AGBL4: variants seen among roughly 807,000 people sequenced by gnomAD.
The protein encoded by AGBL4 is AGBL carboxypeptidase 4, also known as cytosolic carboxypeptidase 6.
In AGBL4, 58 loss-of-function variants were observed where a neutral mutation model predicts 66.4. The ratio of observed to expected loss-of-function variants is 0.87; its 90% confidence interval spans 0.71 to 1.09. The LOEUF (loss-of-function observed/expected upper bound fraction) is 1.09, where lower values mean the gene tolerates loss of function less well. AGBL4 is among the 50% of genes least tolerant of loss of function. The pLI is 0.00. For missense variants in AGBL4, 579 were observed against 631.0 expected (o/e 0.92, Z 0.88); for synonymous variants, 234 against 222.9 (o/e 1.05, Z -0.44).
At chr1:48,975,399 C>A (rs1659236557) in intron 5 of AGBL4, among the ~76,000 whole-genome samples, 1 of 151,982 alleles carries the variant, frequency 6.6e-6, no homozygotes, top group Admixed American at 6.6e-5. Context: ...CCAACAGACC[C>A]AAAATTACTG....
At chr1:49,760,759 A>G (rs1255510585) in intron 2 of AGBL4, among the ~76,000 whole-genome samples, 1 of 152,188 alleles carries the variant, frequency 6.6e-6, no homozygotes, top group Non-Finnish European at 1.5e-5. Context: ...TAGAAAAGAC[A>G]TAGAACCAAC....
chr1:49,616,417 C>T (rs1571180161), intron 3 of AGBL4, among the ~76,000 whole-genome samples: 1 of 152,146 alleles, frequency 6.6e-6, no homozygotes, highest in African/African-American at 2.4e-5. Flanking sequence ...GCTGCTCTTT[C>T]TCAAAAATCT....
rs567866297 is a variant in AGBL4 at position 49,143,997 on chromosome 1, C to T, written c.378-98197G>A. Among the ~76,000 whole-genome samples, 10 of 152,306 alleles carry T rather than the reference C, an allele frequency of 6.6e-5. 1 individual carries two copies. The South Asian group carries it at 2.1e-3, about 32-fold the overall frequency. On this transcript the variant is annotated intron_variant, in intron 4 of 13. Coordinates refer to ENST00000371839, the MANE Select transcript of AGBL4 (RefSeq NM_032785.4). Reference sequence around the variant, plus strand: ...CACAGTGAAATGCATTTTACCAGGCCTATGCACATATTTCAACAGAGATTG... The same window carrying T: ...CACAGTGAAATGCATTTTACCAGGCTTATGCACATATTTCAACAGAGATTG...
At chr1:49,247,582 C>T (rs1651743473) in intron 3 of AGBL4, among the ~76,000 whole-genome samples, 1 of 152,030 alleles carries the variant, frequency 6.6e-6, no homozygotes, top group Non-Finnish European at 1.5e-5. Context: ...GCATAAGCCC[C>T]CCCTTTTTTT....
At chr1:49,898,453 G>A (rs1392080156) in intron 1 of AGBL4, among the ~76,000 whole-genome samples, 3 of 151,838 alleles carry the variant, frequency 2.0e-5, no homozygotes, top group Admixed American at 6.6e-5. Flanking sequence ...TTTATCCAAA[G>A]GCAGGCAATA....
chr1:48,560,964 G>A (rs1448186953), intron 11 of AGBL4, among the ~76,000 whole-genome samples: 2 of 152,176 alleles, frequency 1.3e-5, no homozygotes, highest in African/African-American at 2.4e-5. Context: ...CAAGCTTCTT[G>A]TGATTTGCCC....
intron 3 of AGBL4, among the ~76,000 whole-genome samples, chr1:49,528,757 G>C (rs1650866029): frequency 6.6e-6 from 1 of 152,042 alleles, no homozygotes; most frequent in South Asian, 2.1e-4. Context: ...AAAAAAATTA[G>C]AAAGTAAGGG....
intron 7 of AGBL4, among the ~76,000 whole-genome samples, chr1:48,654,496 A>C (rs1645986881): frequency 6.6e-6 from 1 of 152,238 alleles, no homozygotes; most frequent in Non-Finnish European, 1.5e-5. Context: ...GCATTCCATG[A>C]AATTACTATA....
intron 6 of AGBL4, among the ~76,000 whole-genome samples, chr1:48,804,213 T>C (rs1645872295): frequency 6.6e-6 from 1 of 152,174 alleles, no homozygotes; most frequent in Admixed American, 6.5e-5. Context: ...TCCTGCCTGG[T>C]TTATCTCCTC....
intron 2 of AGBL4, among the ~76,000 whole-genome samples, chr1:49,771,316 T>C (rs140449233): frequency 2.3e-3 from 347 of 152,230 alleles, no homozygotes; most frequent in African/African-American, 8.0e-3. Context: ...TTTCAATGGT[T>C]TTCTTGTTGA....
chr1:49,895,572 G>T (rs924806277), intron 1 of AGBL4, among the ~76,000 whole-genome samples: 9 of 151,896 alleles, frequency 5.9e-5, no homozygotes, highest in African/African-American at 2.2e-4. Flanking sequence ...AAAAAGTAGG[G>T]AGATAAAGTT....
At chr1:49,912,198 C>T (rs888984321) in intron 1 of AGBL4, among the ~76,000 whole-genome samples, 7 of 152,196 alleles carry the variant, frequency 4.6e-5, no homozygotes, top group Non-Finnish European at 1.0e-4. Context: ...AGAAAACTAT[C>T]CCATCTGTGC....
intron 3 of AGBL4, among the ~76,000 whole-genome samples, chr1:49,648,998 T>C (rs1379893354): frequency 6.6e-6 from 1 of 152,134 alleles, no homozygotes; most frequent in African/African-American, 2.4e-5. Context: ...AAAATATATA[T>C]AACTATGCAT....
chr1:49,616,635 T>C (rs1645254469), intron 3 of AGBL4, among the ~76,000 whole-genome samples: 1 of 152,184 alleles, frequency 6.6e-6, no homozygotes, highest in Non-Finnish European at 1.5e-5. Flanking sequence ...AACTGCCTAT[T>C]CAATATCTTT....
chr1:48,743,406 G>A (rs902813920), intron 6 of AGBL4, among the ~76,000 whole-genome samples: 1 of 152,338 alleles, frequency 6.6e-6, no homozygotes, highest in African/African-American at 2.4e-5. Context: ...AATGGTGATA[G>A]TTTCTAAAGG....
intron 4 of AGBL4, among the ~76,000 whole-genome samples, chr1:49,047,038 A>G (rs1644097551): frequency 6.6e-6 from 1 of 152,166 alleles, no homozygotes; most frequent in African/African-American, 2.4e-5. Flanking sequence ...AACTGTTAAC[A>G]GATAGAACAG....
At chr1:49,532,481 C>T (rs1354611186) in intron 3 of AGBL4, among the ~76,000 whole-genome samples, 1 of 152,092 alleles carries the variant, frequency 6.6e-6, no homozygotes, top group Non-Finnish European at 1.5e-5. Context: ...TAATCCCTTC[C>T]TTGTTCATTA....
At chr1:49,011,927 T>G (rs1662458750) in intron 5 of AGBL4, among the ~76,000 whole-genome samples, 1 of 150,904 alleles carries the variant, frequency 6.6e-6, no homozygotes, top group East Asian at 2.0e-4. Flanking sequence ...ATATACCTAA[T>G]GCTAGATGAC....
chr1:49,539,911 C>T (rs1043902539), intron 3 of AGBL4, among the ~76,000 whole-genome samples: 49 of 152,076 alleles, frequency 3.2e-4, no homozygotes, highest in African/African-American at 1.1e-3. Flanking sequence ...AGCAAGTAAA[C>T]CAGCCATTTG....
Sources: allele counts gnomAD v4.1 joint callset (sites outside exome capture counted in the v4.1 genomes callset), GRCh38; gene constraint gnomAD v4.1.1; transcripts MANE v1.5; gene names NCBI Gene and HGNC (gene_info 2026-07-23, HGNC 2026-07-21).